Variants in CARMIL1 observed in about 807,000 individuals in gnomAD.
The protein encoded by CARMIL1 is capping protein regulator and myosin 1 linker 1.
CARMIL1 carries 90 observed loss-of-function variants against 177.1 expected under a neutral mutation model. The observed-to-expected ratio is 0.51, with a 90% CI of 0.43 to 0.61. CARMIL1 has a LOEUF of 0.61. CARMIL1 is among the 20% of genes least tolerant of loss of function. CARMIL1 has a pLI of 0.00. For synonymous variants in CARMIL1, 577 were observed against 606.2 expected, an observed-to-expected ratio of 0.95 and a Z score of 0.71; for missense variants, 1,380 against 1,667.0, an observed-to-expected ratio of 0.83 and a Z score of 3.00.
chr6:25,615,521 T>C (rs961619045), intron 36 of CARMIL1, among the ~76,000 whole-genome samples: 1 of 152,244 alleles, frequency 6.6e-6, no homozygotes, highest in Admixed American at 6.5e-5. Flanking sequence ...ATTTTGGCTT[T>C]GAATGCGTTG....
chr6:25,560,400 C>T (rs568637286), intron 29 of CARMIL1, among the ~76,000 whole-genome samples: 16 of 152,072 alleles, frequency 1.1e-4, no homozygotes, highest in African/African-American at 2.9e-4. Flanking sequence ...CTCTCTTAGC[C>T]CCCGAGAGTC....
At chr6:25,568,271 CTATT>C (rs1811736259) in intron 29 of CARMIL1, among the ~76,000 whole-genome samples, 1 of 152,106 alleles carries the variant, frequency 6.6e-6, no homozygotes, top group African/African-American at 2.4e-5. Flanking sequence ...ATTTGAGAAA[CTATT>C]TTAGGCAGCA....
chr6:25,440,867 C>T (rs1391978960), intron 5 of CARMIL1, among the ~76,000 whole-genome samples: 1 of 151,892 alleles, frequency 6.6e-6, no homozygotes, highest in East Asian at 1.9e-4. Flanking sequence ...CATCTCCTTC[C>T]TTGCTTAGGG....
At chr6:25,306,290 A>G (rs1036138766) in intron 2 of CARMIL1, among the ~76,000 whole-genome samples, 4 of 152,196 alleles carry the variant, frequency 2.6e-5, no homozygotes, top group South Asian at 2.1e-4. Context: ...CCTGGGTCAC[A>G]CAGCAGGAGG....
intron 2 of CARMIL1, among the ~76,000 whole-genome samples, chr6:25,401,806 C>T (rs538210201): frequency 1.9e-4 from 29 of 152,186 alleles, no homozygotes; most frequent in Admixed American, 2.6e-4. Context: ...ACCACCTTAT[C>T]CTCTTCACCT....
chr6:25,333,504 T>A (rs1785907984), intron 2 of CARMIL1, among the ~76,000 whole-genome samples: 1 of 152,196 alleles, frequency 6.6e-6, no homozygotes. Context: ...AGGTCGAGGC[T>A]CCTGTGAGCC....
intron 15 of CARMIL1, among the ~76,000 whole-genome samples, chr6:25,494,414 T>G (rs1803502144): frequency 6.6e-6 from 1 of 152,226 alleles, no homozygotes; most frequent in African/African-American, 2.4e-5. Context: ...CTGAATCCTG[T>G]TTTTCTTAAA....
intron 32 of CARMIL1, among the ~76,000 whole-genome samples, chr6:25,595,745 A>G (rs887811125): frequency 6.6e-6 from 1 of 152,212 alleles, no homozygotes; most frequent in Admixed American, 6.5e-5. Flanking sequence ...GAATAGGTGA[A>G]TGTGTTTTCA....
intron 29 of CARMIL1, among the ~76,000 whole-genome samples, chr6:25,569,489 G>T (rs778869720): frequency 6.6e-6 from 1 of 152,116 alleles, no homozygotes; most frequent in Admixed American, 6.5e-5. Flanking sequence ...TCTATAACTA[G>T]GATCCTAAGT....
intron 29 of CARMIL1, among the ~76,000 whole-genome samples, chr6:25,569,750 T>A (rs2151215095): frequency 6.6e-6 from 1 of 152,342 alleles, no homozygotes; most frequent in Non-Finnish European, 1.5e-5. Flanking sequence ...ATGATGTCCA[T>A]TCTAGAGGAA....
rs1361778054 is a variant in CARMIL1 at position 25,593,018 on chromosome 6, A to T, written c.3007-1397A>T. On this transcript the variant is annotated intron_variant, in intron 31 of 36. Coordinates refer to ENST00000329474, the MANE Select transcript of CARMIL1 (RefSeq NM_017640.6). ...TGATAGCTTCTCACCAGCCTCTCTC[A>T]TAAGATCGGAGTTTTTGGCTGCCTG... Among the ~76,000 whole-genome samples the T allele has an allele frequency of 2.0e-5, 3 of 152,178 alleles. 1 individual carries two copies. The highest frequency in any genetic ancestry group is 2.0e-4 in the Admixed American group (3 of 15,282).
chr6:25,361,768 A>AT (rs1245054045), intron 2 of CARMIL1, among the ~76,000 whole-genome samples: 1 of 152,122 alleles, frequency 6.6e-6, no homozygotes, highest in Non-Finnish European at 1.5e-5. Flanking sequence ...GGGGGTTCCC[A>AT]TTGATGTTAC....
Position 25,326,588 on chromosome 6 carries a change from T to G in CARMIL1, c.138+41679T>G, listed in dbSNP as rs1464851539. Among the ~76,000 whole-genome samples the G allele has an allele frequency of 1.3e-5, 2 of 152,160 alleles. No individual in the cohort carries two copies. The highest frequency in any genetic ancestry group is 2.9e-5 in the Non-Finnish European group (2 of 68,032). Reference sequence around the variant, plus strand: ...CTGGAAACCTGTAAGAAATGCATACTTCAAGTCTTATTATGGACTTGCTGA... The same window carrying G: ...CTGGAAACCTGTAAGAAATGCATACGTCAAGTCTTATTATGGACTTGCTGA... On this transcript the variant is annotated intron_variant, in intron 2 of 36. Coordinates refer to ENST00000329474, the MANE Select transcript of CARMIL1 (RefSeq NM_017640.6). The surrounding 1 kb of genome is among the most constrained non-coding windows in gnomAD (Gnocchi z 4.2).
At chr6:25,417,834 A>G (rs1444196781) in intron 2 of CARMIL1, among the ~76,000 whole-genome samples, 1 of 152,208 alleles carries the variant, frequency 6.6e-6, no homozygotes, top group East Asian at 1.9e-4. Flanking sequence ...TACTCATTTG[A>G]AAAATGGGAA....
intron 36 of CARMIL1, among the ~76,000 whole-genome samples, chr6:25,614,530 A>G (rs1184990489): frequency 6.6e-6 from 1 of 152,200 alleles, no homozygotes; most frequent in African/African-American, 2.4e-5. Context: ...TTTTCTGACA[A>G]GTTATTTTTG....
chr6:25,355,535 A>G (rs1788508891), intron 2 of CARMIL1, among the ~76,000 whole-genome samples: 1 of 152,168 alleles, frequency 6.6e-6, no homozygotes, highest in Admixed American at 6.5e-5. Context: ...ACTGCGTAGC[A>G]GTCCAGAGTA....
chr6:25,351,747 C>T (rs1025076748), intron 2 of CARMIL1, among the ~76,000 whole-genome samples: 6 of 152,108 alleles, frequency 3.9e-5, no homozygotes. Context: ...CCCTGAGCCT[C>T]GTTGTCCTCC....
intron 2 of CARMIL1, among the ~76,000 whole-genome samples, chr6:25,336,143 A>G (rs1786202332): frequency 6.6e-6 from 1 of 151,076 alleles, no homozygotes; most frequent in Non-Finnish European, 1.5e-5. Context: ...CCCAACCCCC[A>G]GATTTTAGGT....
chr6:25,358,507 TAAA>T (rs1788863309), intron 2 of CARMIL1, among the ~76,000 whole-genome samples: 1 of 152,172 alleles, frequency 6.6e-6, no homozygotes, highest in Non-Finnish European at 1.5e-5. Context: ...ATGCTATAGA[TAAA>T]GAAGAGTCAA....
Sources: allele counts gnomAD v4.1 joint callset (sites outside exome capture counted in the v4.1 genomes callset), GRCh38; gene constraint gnomAD v4.1.1; non-coding constraint Gnocchi (gnomAD v3.1); transcripts MANE v1.5; gene names NCBI Gene and HGNC (gene_info 2026-07-23, HGNC 2026-07-21).